STIL: variants seen among roughly 807,000 people sequenced by gnomAD.
STIL encodes SCL-interrupting locus protein.
Under a neutral mutation model 110.1 loss-of-function variants are expected in STIL, and 55 were observed. That is an observed-to-expected ratio of 0.50 (90% CI 0.40 to 0.63). The LOEUF is 0.63. STIL is among the 20% of genes least tolerant of loss of function. The pLI, the probability that STIL is intolerant of heterozygous loss-of-function variation, is 0.00. For synonymous variants in STIL, 481 were observed against 530.0 expected (o/e 0.91, Z 1.27); for missense variants, 1,358 against 1,530.0 (o/e 0.89, Z 1.87).
intron 12 of STIL, among the ~76,000 whole-genome samples, chr1:47,276,790 G>A (rs1164038887): frequency 2.2e-5 from 3 of 133,352 alleles, no homozygotes; most frequent in African/African-American, 8.7e-5. Context: ...CTCTAGCCTG[G>A]GTGAAAGAGT....
intron 1 of STIL, chr1:47,313,299 G>C (rs996460335): frequency 1.3e-5 from 2 of 152,056 alleles, no homozygotes; most frequent in Non-Finnish European, 2.9e-5. Context: ...ACTCCAGCCT[G>C]GGCCAAAGAG....
chr1:47,304,746 A>C (rs1570281012), intron 3 of STIL, 143 bp downstream of exon 3: 1 of 670,156 alleles, frequency 1.5e-6, no homozygotes, highest in Non-Finnish European at 2.6e-6. Flanking sequence ...AAGAAGCAGA[A>C]GGAAAATTTT....
intron 15 of STIL, among the ~76,000 whole-genome samples, chr1:47,261,662 C>T (rs1644488872): frequency 6.6e-6 from 1 of 151,832 alleles, no homozygotes; most frequent in Non-Finnish European, 1.5e-5. Context: ...ATCACTTGAA[C>T]CTGGGAGGCA....
chr1:47,306,264 CTTT>C lies in STIL; in HGVS notation c.45-1271_45-1269del, dbSNP rs35382902. On this transcript the variant is annotated intron_variant, in intron 2 of 16. Transcript: ENST00000371877. ...TAAACTAAAATCTTTCTTTTCTTTC[CTTT>C]TTTTTTTTTTTTTTTAAAGAGCAGG... Among the ~76,000 whole-genome samples the C allele has an allele frequency of 5.1e-3, 708 of 139,138 alleles. 5 individuals carry two copies. The highest frequency in any genetic ancestry group is 0.012 in the African/African-American group (466 of 37,784). The allele number at this position is 139,138 out of a possible 152,430, so 91.3% of individuals were successfully genotyped here. A position where few individuals can be genotyped will look rare whatever the true frequency, so the allele number is the denominator to read the frequency against.
intron 2 of STIL, among the ~76,000 whole-genome samples, chr1:47,308,427 G>GAAA (rs34671975): frequency 6.7e-6 from 1 of 148,542 alleles, no homozygotes; most frequent in Non-Finnish European, 1.5e-5. Flanking sequence ...AAAGAAAATG[G>GAAA]AAAAAAAAAA....
intron 15 of STIL, among the ~76,000 whole-genome samples, chr1:47,261,179 G>C (rs1365204921): frequency 6.6e-6 from 1 of 152,056 alleles, no homozygotes. Flanking sequence ...CTTTAGGTCA[G>C]GAGTTCAAGA....
At position 47,280,758 on chromosome 1, in the gene STIL, G is replaced by A. The variant is rs754626458; in HGVS notation, c.1700C>T (p.Pro567Leu). The A allele has an allele frequency of 2.3e-5, 37 of 1,613,840 alleles. No homozygotes were observed. The highest frequency in any genetic ancestry group is 6.7e-5 in the Admixed American group (4 of 59,978). The stretch of plus-strand genomic sequence containing the variant: ...AACAAAATCGTGTGGTTGGGACTGC[G>A]GGGCAAGAGAAGACTGCCTAGAATT... ...TLNSRQSSLA[P>L]QSQPHDFVFS... The change falls in exon 12 of 17, where the codon CCG (proline) becomes CTG (leucine). Residue 567 changes from proline to leucine, a missense_variant. Transcript: ENST00000371877.
At chr1:47,285,606 C>T (rs1401270148) in intron 10 of STIL, among the ~76,000 whole-genome samples, 1 of 151,852 alleles carries the variant, frequency 6.6e-6, no homozygotes, top group Non-Finnish European at 1.5e-5. Flanking sequence ...TACAGGCATG[C>T]ACCACCAGGC....
At position 47,289,591 on chromosome 1, in the gene STIL, CAA is replaced by C. The variant is rs764383508; in HGVS notation, c.873-8_873-7del. The C allele has an allele frequency of 3.7e-6, 6 of 1,609,890 alleles. No individual in the cohort carries two copies. The highest frequency in any genetic ancestry group is 3.4e-6 in the Non-Finnish European group (4 of 1,176,772). On this transcript the variant is annotated splice_polypyrimidine_tract_variant and splice_region_variant and intron_variant, in intron 8 of 16. Coordinates refer to ENST00000371877, the MANE Select transcript of STIL (RefSeq NM_001048166.1). ...TTCCAGATTCTGAAAAAACCCTGCACAAAAAAAGTCATTTAATTAAAATTTAA... is the reference window on the plus strand; with the variant it reads ...TTCCAGATTCTGAAAAAACCCTGCACAAAAAGTCATTTAATTAAAATTTAA...
intron 2 of STIL, among the ~76,000 whole-genome samples, chr1:47,308,348 A>G (rs1646024690): frequency 6.6e-6 from 1 of 152,070 alleles, no homozygotes; most frequent in Non-Finnish European, 1.5e-5. Context: ...AAAACAGAAA[A>G]GAACCTACGT....
intron 16 of STIL, 123 bp from the exon 17 acceptor site, chr1:47,252,045 T>A: frequency 1.0e-6 from 1 of 985,010 alleles, no homozygotes; most frequent in Non-Finnish European, 1.5e-6. Flanking sequence ...TCCTTTTATC[T>A]AACTACTCAG....
At chr1:47,307,899 T>A (rs1213616429) in intron 2 of STIL, among the ~76,000 whole-genome samples, 1 of 152,166 alleles carries the variant, frequency 6.6e-6, no homozygotes, top group Non-Finnish European at 1.5e-5. Context: ...TGGTCGAGAT[T>A]GCAGAGGTGA....
At chr1:47,309,528 T>C (rs1646062033) in intron 2 of STIL, among the ~76,000 whole-genome samples, 1 of 152,048 alleles carries the variant, frequency 6.6e-6, no homozygotes, top group South Asian at 2.1e-4. Flanking sequence ...TGTTTCCCAC[T>C]ATCTTCATCA....
chr1:47,289,667 CT>C (rs1289814044), intron 8 of STIL, 82 bp from the exon 9 acceptor site: 2 of 1,350,830 alleles, frequency 1.5e-6, no homozygotes, highest in African/African-American at 1.4e-5. Context: ...GTCTCCCAAT[CT>C]AGTTAACAAA....
chr1:47,311,996 A>T (rs562238004), intron 1 of STIL, among the ~76,000 whole-genome samples: 4 of 152,262 alleles, frequency 2.6e-5, no homozygotes, highest in Non-Finnish European at 5.9e-5. Flanking sequence ...CAGTGAGCTG[A>T]TATCATCCCA....
chr1:47,282,731 C>T (rs1645186732), intron 10 of STIL: 1 of 377,242 alleles, frequency 2.7e-6, no homozygotes, highest in Non-Finnish European at 4.9e-6. Context: ...ACTGGGCACC[C>T]TCTAGTTGAT....
intron 16 of STIL, among the ~76,000 whole-genome samples, chr1:47,258,223 T>C (rs1165736931): frequency 1.3e-5 from 2 of 152,180 alleles, no homozygotes; most frequent in African/African-American, 2.4e-5. Flanking sequence ...AACTCAAAAA[T>C]GCTAGCCTCA....
intron 3 of STIL, among the ~76,000 whole-genome samples, chr1:47,303,438 G>A (rs907254689): frequency 6.6e-6 from 1 of 152,146 alleles, no homozygotes; most frequent in Non-Finnish European, 1.5e-5. Flanking sequence ...GGTGGCACAT[G>A]TCTGTAATTC....
intron 16 of STIL, among the ~76,000 whole-genome samples, chr1:47,257,660 C>G (rs1454673102): frequency 6.6e-6 from 1 of 152,204 alleles, no homozygotes; most frequent in African/African-American, 2.4e-5. Context: ...TGAAATACTC[C>G]TAAAGTTAGC....
Sources: gnomAD v4.1 joint callset for allele counts (sites outside exome capture counted in the v4.1 genomes callset) on GRCh38, gnomAD v4.1.1 for gene constraint, MANE v1.5 for transcripts, NCBI Gene and HGNC (gene_info 2026-07-23, HGNC 2026-07-21) for gene names.